Variants in CHRNA5 observed in about 807,000 individuals in gnomAD.
CHRNA5 encodes the protein cholinergic receptor nicotinic alpha 5 subunit, also known as neuronal acetylcholine receptor subunit alpha-5.
A neutral mutation model predicts 41.2 loss-of-function variants in CHRNA5; 28 were observed. The ratio of observed to expected loss-of-function variants is 0.68; its 90% confidence interval spans 0.50 to 0.93. CHRNA5 has a LOEUF of 0.93. Among genes scored for constraint, CHRNA5 ranks in the 40% least tolerant of loss-of-function variants. CHRNA5 has a pLI of 0.00. For synonymous variants in CHRNA5, 188 were observed against 205.8 expected (o/e 0.91, Z 0.74); for missense variants, 481 against 581.9 (o/e 0.83, Z 1.78).
At chr15:78,586,862 C>A (rs2052965646) in intron 3 of CHRNA5, among the ~76,000 whole-genome samples, 173 bp downstream of exon 3, 1 of 152,040 alleles carries the variant, frequency 6.6e-6, no homozygotes, top group South Asian at 2.1e-4. Context: ...AGATGGAGTT[C>A]TTGTATTTAT....
At chr15:78,566,975 G>A (rs919989302) in intron 1 of CHRNA5, among the ~76,000 whole-genome samples, 14 of 152,112 alleles carry the variant, frequency 9.2e-5, no homozygotes, top group Admixed American at 3.3e-4. Context: ...ATGGCGGGCC[G>A]GGCGCGGTGG....
At chr15:78,594,700 TTC>T (rs1428891705) in exon 6 of CHRNA5, 1 of 152,196 alleles carries the variant, frequency 6.6e-6, no homozygotes, top group Non-Finnish European at 1.5e-5. Context: ...GTCTAAATCA[TTC>T]TGTGAGAAAA....
rs1457720704 is a variant in CHRNA5 at position 78,588,550 on chromosome 15, TG to T, written c.413+128del. The T allele has an allele frequency of 2.1e-6, 1 of 485,168 alleles. No individual in the cohort carries two copies. Among genetic ancestry groups the T allele is most frequent in the Non-Finnish European group, 3.6e-6 (1 of 276,096 alleles). The allele number at this position is 485,168 out of a possible 1,614,324, so 30.1% of individuals were successfully genotyped here. On this transcript the variant is annotated intron_variant, in intron 4 of 5. Transcript: ENST00000299565. The surrounding 1 kb of genome is among the most constrained non-coding windows in gnomAD (Gnocchi z 4.1). ...AAAAATCAAATGACATGACCGCATG[TG>T]CCTGGGTATGATTACATGTTTTATA... is the stretch of plus-strand genomic sequence containing the variant.
chr15:78,581,730 C>T (rs945432228), intron 2 of CHRNA5, among the ~76,000 whole-genome samples: 1 of 152,078 alleles, frequency 6.6e-6, no homozygotes, highest in African/African-American at 2.4e-5. Context: ...TTCTACTACC[C>T]GGAGATGACT....
At chr15:78,566,379 C>T (rs533421740) in intron 1 of CHRNA5, among the ~76,000 whole-genome samples, 1 of 152,306 alleles carries the variant, frequency 6.6e-6, no homozygotes, top group Admixed American at 6.5e-5. Context: ...TCGTTTGCAT[C>T]CAGAGTTCCT....
intron 1 of CHRNA5, among the ~76,000 whole-genome samples, chr15:78,578,621 G>T (rs1037047788): frequency 3.9e-5 from 6 of 152,146 alleles, no homozygotes; most frequent in African/African-American, 1.4e-4. Context: ...CAGGAAATAG[G>T]TTTCCTCCAG....
intron 1 of CHRNA5, among the ~76,000 whole-genome samples, chr15:78,568,704 A>G (rs1021002901): frequency 5.9e-5 from 9 of 151,486 alleles, no homozygotes; most frequent in African/African-American, 1.9e-4. Context: ...TCATTGTTCA[A>G]CTCCCACTTA....
chr15:78,587,815 C>T (rs2052975287), intron 3 of CHRNA5, among the ~76,000 whole-genome samples: 1 of 152,106 alleles, frequency 6.6e-6, no homozygotes, highest in African/African-American at 2.4e-5. Flanking sequence ...ACCCCGAACT[C>T]CTGAAAGGCA....
intron 1 of CHRNA5, among the ~76,000 whole-genome samples, chr15:78,568,504 T>A (rs2052770322): frequency 6.6e-6 from 1 of 152,096 alleles, no homozygotes. Flanking sequence ...CTGGGATACA[T>A]GTGCAGAACC....
chr15:78,577,172 G>C (rs939756982), intron 1 of CHRNA5, among the ~76,000 whole-genome samples: 1 of 152,208 alleles, frequency 6.6e-6, no homozygotes, highest in African/African-American at 2.4e-5. Flanking sequence ...AGGGTGATGA[G>C]AGCATGAAGC....
chr15:78,567,189 G>C (rs974408826), intron 1 of CHRNA5, among the ~76,000 whole-genome samples: 1 of 151,272 alleles, frequency 6.6e-6, no homozygotes, highest in Non-Finnish European at 1.5e-5. Context: ...AGAGGCGGAG[G>C]TTACAGTGAG....
intron 2 of CHRNA5, among the ~76,000 whole-genome samples, chr15:78,583,451 T>C (rs2052931286): frequency 6.6e-6 from 1 of 152,132 alleles, no homozygotes. Context: ...CCCAGCACTT[T>C]GGGAGGCCGA....
At chr15:78,587,552 G>A (rs1486479696) in intron 3 of CHRNA5, among the ~76,000 whole-genome samples, 1 of 152,016 alleles carries the variant, frequency 6.6e-6, no homozygotes, top group Admixed American at 6.6e-5. Context: ...GGGGAGAGGG[G>A]GTGTAGGAGA....
At chr15:78,576,095 T>C (rs1391002580) in intron 1 of CHRNA5, among the ~76,000 whole-genome samples, 2 of 152,220 alleles carry the variant, frequency 1.3e-5, no homozygotes, top group African/African-American at 4.8e-5. Flanking sequence ...TATATCCTTT[T>C]GATGTAAGGG....
chr15:78,592,862 A>G (rs564499089), intron 5 of CHRNA5, among the ~76,000 whole-genome samples: 1 of 152,296 alleles, frequency 6.6e-6, no homozygotes, highest in Non-Finnish European at 1.5e-5. Context: ...CACTTGTAAT[A>G]TAAGTTGATG....
At chr15:78,582,260 T>C (rs2052919305) in intron 2 of CHRNA5, among the ~76,000 whole-genome samples, 1 of 151,930 alleles carries the variant, frequency 6.6e-6, no homozygotes, top group Non-Finnish European at 1.5e-5. Context: ...CCAAGGTGGG[T>C]GGATCACTTG....
chr15:78,569,676 G>A (rs751611750), intron 1 of CHRNA5, among the ~76,000 whole-genome samples: 15 of 151,844 alleles, frequency 9.9e-5, no homozygotes, highest in Non-Finnish European at 1.8e-4. Flanking sequence ...CTCATGACCC[G>A]CCCGCCTCGG....
exon 5 of CHRNA5, chr15:78,590,208 T>C: frequency 6.2e-7 from 1 of 1,614,012 alleles, no homozygotes; most frequent in Non-Finnish European, 8.5e-7. Context: ...ACTTGTCTTC[T>C]ATCTTCCTTC....
intron 1 of CHRNA5, 92 bp from the exon 2 acceptor site, chr15:78,580,719 C>A (rs919030637): frequency 2.7e-6 from 3 of 1,121,446 alleles, no homozygotes; most frequent in African/African-American, 3.1e-5. Flanking sequence ...TCACTGCAAC[C>A]TTTGCCTCCT....
Sources: allele counts gnomAD v4.1 joint callset (sites outside exome capture counted in the v4.1 genomes callset), GRCh38; gene constraint gnomAD v4.1.1; non-coding constraint Gnocchi (gnomAD v3.1); transcripts MANE v1.5; gene names NCBI Gene and HGNC (gene_info 2026-07-23, HGNC 2026-07-21).